Variants in FAT3 observed in about 807,000 individuals in gnomAD.
FAT3 encodes protocadherin Fat 3.
FAT3 carries 95 observed loss-of-function variants against 310.2 expected under a neutral mutation model. That is an observed-to-expected ratio of 0.31 (90% CI 0.26 to 0.36). FAT3 has a LOEUF of 0.36. FAT3 is among the 10% of genes least tolerant of loss of function. The pLI is 1.00. For missense variants in FAT3, 5,408 were observed against 5,715.6 expected (o/e 0.95, Z 1.74); for synonymous variants, 2,314 against 2,192.9 (o/e 1.06, Z -1.54).
intron 1 of FAT3, among the ~76,000 whole-genome samples, chr11:92,305,606 A>G (rs751991337): frequency 6.6e-6 from 1 of 152,178 alleles, no homozygotes; most frequent in Non-Finnish European, 1.5e-5. Flanking sequence ...GCACTAATAC[A>G]TATCAATATT....
chr11:92,293,703 C>G (rs1020089577), intron 1 of FAT3, among the ~76,000 whole-genome samples: 2 of 151,424 alleles, frequency 1.3e-5, no homozygotes, highest in African/African-American at 4.8e-5. Context: ...TCTTCTAGCC[C>G]TCATAGCTAC....
At chr11:92,529,352 A>G (rs1483051517) in intron 3 of FAT3, among the ~76,000 whole-genome samples, 1 of 152,218 alleles carries the variant, frequency 6.6e-6, no homozygotes, top group Non-Finnish European at 1.5e-5. Flanking sequence ...AGATAACTAT[A>G]CAGGGAATAT....
intron 2 of FAT3, among the ~76,000 whole-genome samples, chr11:92,523,291 T>C (rs1953745992): frequency 6.6e-6 from 1 of 152,200 alleles, no homozygotes; most frequent in African/African-American, 2.4e-5. Context: ...TAGGAACCCA[T>C]TGTTTTACAT....
chr11:92,411,062 T>C (rs1035455901), intron 2 of FAT3, among the ~76,000 whole-genome samples: 2 of 143,624 alleles, frequency 1.4e-5, no homozygotes, highest in Admixed American at 7.2e-5. Flanking sequence ...TATATATAAA[T>C]ATATATAAAT....
intron 2 of FAT3, among the ~76,000 whole-genome samples, chr11:92,362,214 A>G (rs1193666543): frequency 6.6e-6 from 1 of 152,246 alleles, no homozygotes; most frequent in Non-Finnish European, 1.5e-5. Context: ...GCAGAGACTT[A>G]GGAGACCTAA....
intron 17 of FAT3, 97 bp downstream of exon 17, chr11:92,837,903 A>C (rs1378804828): frequency 1.4e-6 from 2 of 1,439,982 alleles, no homozygotes; most frequent in African/African-American, 2.8e-5. Context: ...ACTATTACTT[A>C]ATGTCATCTC....
intron 2 of FAT3, among the ~76,000 whole-genome samples, chr11:92,446,497 G>A (rs527721024): frequency 1.8e-4 from 27 of 151,902 alleles, no homozygotes; most frequent in Admixed American, 1.4e-3. Context: ...CTAATAGCAA[G>A]TTTGGTTTTT....
intron 1 of FAT3, among the ~76,000 whole-genome samples, chr11:92,239,540 G>T (rs1301260344): frequency 6.6e-6 from 1 of 152,096 alleles, no homozygotes; most frequent in East Asian, 1.9e-4. Flanking sequence ...ATAAATGTGG[G>T]TTATTGCCCC....
In FAT3 at chr11:92,442,099, A is replaced by T. The variant is rs1407259313; in HGVS notation, c.3293-82535A>T. Among the ~76,000 whole-genome samples the T allele has an allele frequency of 1.9e-3, 80 of 42,618 alleles. 1 individual carries two copies. Among genetic ancestry groups the T allele is most frequent in the African/African-American group, 9.0e-3 (66 of 7,346 alleles). 28.0% of individuals were successfully genotyped at this position (42,618 alleles called of 152,430 possible). A position where few individuals can be genotyped will look rare whatever the true frequency, so the allele number is the denominator to read the frequency against. ...ATATATTTTATATATATATATATAT[A>T]TATATATATATATTTTTTTTTTTTT... On this transcript the variant is annotated intron_variant, in intron 2 of 27. Coordinates refer to ENST00000525166, the MANE Select transcript of FAT3 (RefSeq NM_001367949.2).
rs992884237 is a variant in FAT3 at position 92,779,373 on chromosome 11, C to G, written c.4335+5193C>G. Among the ~76,000 whole-genome samples the G allele has an allele frequency of 2.0e-5, 3 of 152,104 alleles. No individual in the cohort carries two copies. The South Asian group carries it at 6.2e-4, about 32-fold the overall frequency. Reference sequence around the variant, plus strand: ...ATAATTGCAGGTTTGGGGCAGGAGCCTAGGGCATCTTTTCCTGCCAGAAAA... The same window carrying G: ...ATAATTGCAGGTTTGGGGCAGGAGCGTAGGGCATCTTTTCCTGCCAGAAAA... On this transcript the variant is annotated intron_variant, in intron 7 of 27. Coordinates refer to ENST00000525166, the MANE Select transcript of FAT3 (RefSeq NM_001367949.2).
At position 92,315,512 on chromosome 11, in the gene FAT3, T is replaced by TATATATATAG. The variant is rs1353970811; in HGVS notation, c.-17-36583_-17-36582insTATATATAGA. On this transcript the variant is annotated intron_variant, in intron 1 of 27. Transcript: ENST00000525166. ...ATATATATATATATATATATATATA[T>TATATATATAG]AGAGAGAGAGAGAGAGAGAGAGAGA... is the stretch of plus-strand genomic sequence containing the variant. 1.1e-3 allele frequency among the ~76,000 whole-genome samples: 61 copies of TATATATATAG among 56,166 alleles called. 1 individual carries two copies. The highest frequency in any genetic ancestry group is 1.7e-3 in the Non-Finnish European group (52 of 30,054). The allele number at this position is 56,166 out of a possible 152,430, so 36.8% of individuals were successfully genotyped here.
chr11:92,353,291 C>T lies in FAT3; in HGVS notation c.1179C>T (p.Val393=), dbSNP rs761990294. The change falls in exon 2 of 28, where the codon GTC becomes GTT. Residue 393 remains valine, a synonymous_variant. Coordinates refer to ENST00000525166, the MANE Select transcript of FAT3 (RefSeq NM_001367949.2). ...VSISEFSPPG[V]VVAIVKLSPE... Reference sequence around the variant, plus strand: ...TAAGTGAATTTTCCCCTCCTGGTGTCGTGGTTGCTATAGTAAAATTAAGTC... The same window carrying T: ...TAAGTGAATTTTCCCCTCCTGGTGTTGTGGTTGCTATAGTAAAATTAAGTC... 1.1e-5 allele frequency: 18 copies of T among 1,613,432 alleles called. No individual in the cohort carries two copies. The highest frequency in any genetic ancestry group is 3.3e-5 in the South Asian group (3 of 91,026).
intron 1 of FAT3, among the ~76,000 whole-genome samples, chr11:92,236,136 A>G (rs1031774866): frequency 2.0e-5 from 3 of 152,220 alleles, no homozygotes; most frequent in African/African-American, 7.2e-5. Flanking sequence ...CTATTATTAC[A>G]CTAAGTTACA....
chr11:92,867,487 A>T (rs1949279446), intron 22 of FAT3, among the ~76,000 whole-genome samples: 1 of 152,244 alleles, frequency 6.6e-6, no homozygotes, highest in African/African-American at 2.4e-5. Flanking sequence ...CCCCTGTCCA[A>T]CCCCTGGCCT....
At chr11:92,314,298 G>C (rs1947379961) in intron 1 of FAT3, 1 of 982,678 alleles carries the variant, frequency 1.0e-6, no homozygotes, top group African/African-American at 1.8e-5. Flanking sequence ...AGAACATGGA[G>C]ATGTATTTCT....
At chr11:92,551,525 C>T (rs1216036868) in intron 3 of FAT3, among the ~76,000 whole-genome samples, 1 of 151,258 alleles carries the variant, frequency 6.6e-6, no homozygotes, top group African/African-American at 2.4e-5. Context: ...GCAGTTCAAC[C>T]TTCTGTATTT....
chr11:92,734,665 A>G (rs1487069436), intron 4 of FAT3, among the ~76,000 whole-genome samples: 1 of 152,184 alleles, frequency 6.6e-6, no homozygotes, highest in Non-Finnish European at 1.5e-5. Context: ...GAAAAAGAAA[A>G]GTAGACATTT....
At chr11:92,417,446 G>A (rs1397394451) in intron 2 of FAT3, among the ~76,000 whole-genome samples, 1 of 152,210 alleles carries the variant, frequency 6.6e-6, no homozygotes, top group African/African-American at 2.4e-5. Context: ...CAGAAGGCAG[G>A]TGTATAAACC....
chr11:92,386,193 A>G (rs1251714264), intron 2 of FAT3, among the ~76,000 whole-genome samples: 2 of 152,114 alleles, frequency 1.3e-5, no homozygotes, highest in Non-Finnish European at 2.9e-5. Context: ...CTCAGAAATA[A>G]CCATTCTTAT....
Sources: gnomAD v4.1 joint callset for allele counts (sites outside exome capture counted in the v4.1 genomes callset) on GRCh38, gnomAD v4.1.1 for gene constraint, MANE v1.5 for transcripts, NCBI Gene and HGNC (gene_info 2026-07-23, HGNC 2026-07-21) for gene names.